GRIP1: variants seen among roughly 807,000 people sequenced by gnomAD.
The protein encoded by GRIP1 is glutamate receptor interacting protein 1, also known as glutamate receptor-interacting protein 1.
Under a neutral mutation model 129.9 loss-of-function variants are expected in GRIP1, and 45 were observed. The ratio of observed to expected loss-of-function variants is 0.35; its 90% confidence interval spans 0.27 to 0.44. GRIP1 has a LOEUF of 0.44. Ranked by LOEUF, GRIP1 falls within the 20% of genes least tolerant of loss-of-function variation. GRIP1 has a pLI of 1.00. For synonymous variants in GRIP1, 530 were observed against 520.8 expected (o/e 1.02, Z -0.24); for missense variants, 1,196 against 1,396.8 (o/e 0.86, Z 2.29).
intron 1 of GRIP1, among the ~76,000 whole-genome samples, chr12:66,781,312 G>A (rs143300911): frequency 5.9e-5 from 9 of 152,152 alleles, no homozygotes; most frequent in African/African-American, 1.9e-4. Context: ...ACTGTGCCAG[G>A]GGAAGTCTGT....
chr12:66,782,142 T>A (rs2038180902), intron 1 of GRIP1, among the ~76,000 whole-genome samples: 1 of 152,186 alleles, frequency 6.6e-6, no homozygotes, highest in Non-Finnish European at 1.5e-5. Flanking sequence ...TTATGTTCAC[T>A]TCTTAAAAAT....
intron 5 of GRIP1, among the ~76,000 whole-genome samples, chr12:66,529,127 A>T (rs2061361474): frequency 6.6e-6 from 1 of 152,156 alleles, no homozygotes; most frequent in African/African-American, 2.4e-5. Context: ...GGCCATAATC[A>T]AAAAATAAAA....
At chr12:66,997,684 G>A (rs1402045309) in intron 1 of GRIP1, among the ~76,000 whole-genome samples, 2 of 152,110 alleles carry the variant, frequency 1.3e-5, no homozygotes, top group African/African-American at 4.8e-5. Context: ...AGAAACCAAT[G>A]CAAATGAATT....
intron 1 of GRIP1, among the ~76,000 whole-genome samples, chr12:66,953,998 T>C (rs1433344894): frequency 6.6e-6 from 1 of 152,218 alleles, no homozygotes; most frequent in East Asian, 1.9e-4. Flanking sequence ...AAACCCATCT[T>C]GTTTGCAGCT....
chr12:66,951,244 C>G (rs1371618457), intron 1 of GRIP1, among the ~76,000 whole-genome samples: 1 of 152,116 alleles, frequency 6.6e-6, no homozygotes, highest in Non-Finnish European at 1.5e-5. Context: ...TAATATTTTA[C>G]TGATATTAAC....
chr12:66,663,830 G>C (rs187726137), intron 1 of GRIP1, among the ~76,000 whole-genome samples: 83 of 152,308 alleles, frequency 5.4e-4, no homozygotes, highest in African/African-American at 1.9e-3. Context: ...GTTTGCACCT[G>C]CCAAGTGTGC....
At chr12:66,982,507 C>T (rs963514623) in intron 1 of GRIP1, among the ~76,000 whole-genome samples, 2 of 152,306 alleles carry the variant, frequency 1.3e-5, no homozygotes, top group East Asian at 3.9e-4. Flanking sequence ...TGCTCTCTCT[C>T]ATTCTGTTGC....
intron 11 of GRIP1, among the ~76,000 whole-genome samples, chr12:66,448,701 C>T (rs925499266): frequency 1.3e-5 from 2 of 152,170 alleles, no homozygotes; most frequent in African/African-American, 4.8e-5. Context: ...TCTTCCCTTT[C>T]TTATTGCCAC....
chr12:66,778,320 TTAGA>T (rs1241599240), intron 1 of GRIP1, among the ~76,000 whole-genome samples: 1 of 152,038 alleles, frequency 6.6e-6, no homozygotes, highest in Non-Finnish European at 1.5e-5. Flanking sequence ...GACTCTGAAG[TTAGA>T]TAGATAGGCA....
chr12:66,947,656 T>G (rs2137475858), intron 1 of GRIP1, among the ~76,000 whole-genome samples: 1 of 152,392 alleles, frequency 6.6e-6, no homozygotes, highest in East Asian at 1.9e-4. Flanking sequence ...TGCTCTGATT[T>G]GATGGCTGCT....
At chr12:66,472,152 A>G (rs1032801065) in intron 7 of GRIP1, among the ~76,000 whole-genome samples, 9 of 152,254 alleles carry the variant, frequency 5.9e-5, no homozygotes, top group Non-Finnish European at 1.2e-4. Flanking sequence ...TTGCTAGGAT[A>G]GAAGTCTGTC....
intron 1 of GRIP1, among the ~76,000 whole-genome samples, chr12:66,758,252 T>C (rs918957862): frequency 3.3e-5 from 5 of 152,150 alleles, no homozygotes; most frequent in African/African-American, 9.7e-5. Flanking sequence ...ATTTCTTACA[T>C]GGCAGCAGCA....
At chr12:66,658,580 CAA>C (rs112976977) in intron 1 of GRIP1, among the ~76,000 whole-genome samples, 7 of 124,922 alleles carry the variant, frequency 5.6e-5, no homozygotes, top group African/African-American at 5.7e-5. Context: ...GACTCCATCT[CAA>C]AAAAAAAAAA....
intron 7 of GRIP1, among the ~76,000 whole-genome samples, chr12:66,478,592 G>A (rs565948712): frequency 5.3e-5 from 8 of 152,210 alleles, no homozygotes; most frequent in East Asian, 1.9e-4. Flanking sequence ...TGTTTATTGC[G>A]GCAGTACTCA....
At chr12:66,648,684 A>G (rs996345611) in intron 1 of GRIP1, among the ~76,000 whole-genome samples, 3 of 152,222 alleles carry the variant, frequency 2.0e-5, no homozygotes, top group African/African-American at 7.2e-5. Context: ...CAAGAAGTTG[A>G]TGACAGAGTC....
chr12:66,369,681 C>T (rs578176776), intron 23 of GRIP1, among the ~76,000 whole-genome samples: 1 of 152,216 alleles, frequency 6.6e-6, no homozygotes, highest in South Asian at 2.1e-4. Flanking sequence ...CAAGCAGGCT[C>T]CTGTTTCTCT....
intron 1 of GRIP1, among the ~76,000 whole-genome samples, chr12:66,844,921 G>C (rs1314749309): frequency 6.6e-6 from 1 of 152,164 alleles, no homozygotes; most frequent in Non-Finnish European, 1.5e-5. Flanking sequence ...CAAATTCATA[G>C]AGACAGAAAA....
intron 16 of GRIP1, among the ~76,000 whole-genome samples, chr12:66,402,397 G>T (rs2057034287): frequency 6.6e-6 from 1 of 152,148 alleles, no homozygotes; most frequent in African/African-American, 2.4e-5. Flanking sequence ...AATGCTGATG[G>T]CATGACTGAA....
At chr12:66,613,697 A>G (rs1023818343) in intron 1 of GRIP1, among the ~76,000 whole-genome samples, 3 of 152,190 alleles carry the variant, frequency 2.0e-5, no homozygotes, top group Non-Finnish European at 2.9e-5. Flanking sequence ...ATTACAAATC[A>G]TCTCCCAGCT....
Sources: allele counts gnomAD v4.1 joint callset (sites outside exome capture counted in the v4.1 genomes callset), GRCh38; gene constraint gnomAD v4.1.1; transcripts MANE v1.5; gene names NCBI Gene and HGNC (gene_info 2026-07-23, HGNC 2026-07-21).